Variants in ANKS3 observed in about 807,000 individuals in gnomAD.
ANKS3 encodes the protein ankyrin repeat and sterile alpha motif domain containing 3.
A neutral mutation model predicts 80.7 loss-of-function variants in ANKS3; 62 were observed. The ratio of observed to expected loss-of-function variants is 0.77; its 90% CI spans 0.63 to 0.95. The LOEUF (loss-of-function observed/expected upper bound fraction) is 0.95, where lower values mean the gene tolerates loss of function less well. Among genes scored for constraint, ANKS3 ranks in the 40% least tolerant of loss-of-function variants. ANKS3 has a pLI of 0.00. For missense variants in ANKS3, 1,150 were observed against 883.6 expected, an observed-to-expected ratio of 1.30 and a Z score of -3.82; for synonymous variants, 489 against 355.3, an observed-to-expected ratio of 1.38 and a Z score of -4.23.
At chr16:4,702,960 G>A (rs183583625) in intron 8 of ANKS3, among the ~76,000 whole-genome samples, 5 of 152,238 alleles carry the variant, frequency 3.3e-5, no homozygotes, top group South Asian at 4.1e-4. Flanking sequence ...CTATGATCGT[G>A]CCACTGCACT....
At chr16:4,711,098 A>ATTTTT (rs35899381) in intron 7 of ANKS3, among the ~76,000 whole-genome samples, 7 of 104,476 alleles carry the variant, frequency 6.7e-5, no homozygotes, top group East Asian at 3.1e-4. Flanking sequence ...CTGAAACAGA[A>ATTTTT]TTTTTTTTTT....
chr16:4,728,679 G>A (rs1403028387), intron 3 of ANKS3, among the ~76,000 whole-genome samples: 2 of 151,936 alleles, frequency 1.3e-5, no homozygotes, highest in Non-Finnish European at 2.9e-5. Context: ...ACCTCAGCTA[G>A]TGTCAAAATC....
intron 14 of ANKS3, 182 bp from the exon 15 acceptor site, chr16:4,698,244 G>A: frequency 8.8e-7 from 1 of 1,138,574 alleles, no homozygotes; most frequent in East Asian, 2.7e-5. Flanking sequence ...CAGATTCCCG[G>A]ACCCAACTCC....
chr16:4,701,251 C>T (rs1485343598), intron 10 of ANKS3, 117 bp from the exon 11 acceptor site: 4 of 1,514,946 alleles, frequency 2.6e-6, no homozygotes, highest in South Asian at 2.4e-5. Flanking sequence ...ACCCGCCACA[C>T]AGGGGCTTCC....
Position 4,730,036 on chromosome 16 carries a change from A to T in ANKS3, c.114T>A (p.Asp38Glu). The change falls in exon 3 of 18, where the codon GAT becomes GAA. Residue 38 changes from aspartate to glutamate, a missense_variant. Transcript: ENST00000304283. Reference protein sequence around the residue: ...VSGEELDVPLDLHTAASIGQY... With the variant: ...VSGEELDVPLELHTAASIGQY... The stretch of plus-strand genomic sequence containing the variant: ...GGCCAATGGAAGCAGCTGTGTGAAG[A>T]TCCAGGGGGACATCCAGCTCCTCCC... 1 of 1,588,032 alleles carries T rather than the reference A, an allele frequency of 6.3e-7. No individual in the cohort carries two copies. The highest frequency in any genetic ancestry group is 8.6e-7 in the Non-Finnish European group (1 of 1,164,166).
chr16:4,721,694 A>ACTCT (rs2081109809), intron 6 of ANKS3, among the ~76,000 whole-genome samples: 2 of 151,024 alleles, frequency 1.3e-5, no homozygotes, highest in African/African-American at 2.4e-5. Context: ...GCTGGAGTGC[A>ACTCT]GTGGCAACAT....
chr16:4,711,671 T>A (rs917835922), intron 7 of ANKS3, among the ~76,000 whole-genome samples: 6 of 140,718 alleles, frequency 4.3e-5, no homozygotes, highest in African/African-American at 1.3e-4. Flanking sequence ...TGAGTCAAGA[T>A]CGAGCCACTG....
At chr16:4,704,462 A>G (rs1031285816) in intron 8 of ANKS3, among the ~76,000 whole-genome samples, 2 of 152,218 alleles carry the variant, frequency 1.3e-5, no homozygotes, top group Admixed American at 1.3e-4. Context: ...GACAGACCAC[A>G]GCAATAGAGA....
chr16:4,698,114 G>C (rs771598468), intron 14 of ANKS3, 52 bp from the exon 15 acceptor site: 22 of 1,526,730 alleles, frequency 1.4e-5, no homozygotes, highest in African/African-American at 6.9e-5. Context: ...GGCCGCTGCA[G>C]AGCCCCCACC....
chr16:4,718,830 G>A (rs1403560528), intron 6 of ANKS3, among the ~76,000 whole-genome samples: 1 of 152,212 alleles, frequency 6.6e-6, no homozygotes, highest in African/African-American at 2.4e-5. Flanking sequence ...TCCTGAGTCT[G>A]ATAATTTTGT....
rs200655172 is a variant in ANKS3, at chr16:4,702,138, G to A, written c.973C>T (p.Arg325Trp). The change falls in exon 9 of 18, where the codon CGG becomes TGG. Residue 325 changes from arginine to tryptophan, a missense_variant. Physicochemically the swap from Arg to Trp is moderately radical, Grantham distance 101. Transcript: ENST00000304283. ...CTGCTGCTGCTGCTCTCCACATCCCGCTCATTGATGGGGGAGGTGACATCC... is the reference window on the plus strand; with the variant it reads ...CTGCTGCTGCTGCTCTCCACATCCCACTCATTGATGGGGGAGGTGACATCC... ...CRDVTSPINE[R>W]DVESSSSSSS... The A allele has an allele frequency of 2.6e-5, 41 of 1,596,494 alleles. 1 individual carries two copies. Among genetic ancestry groups the A allele is most frequent in the South Asian group, 1.1e-4 (10 of 89,722 alleles).
In ANKS3 at chr16:4,714,200, T is replaced by C. The variant is rs779494356; in HGVS notation, c.574-14A>G. ...CACCTTGACTCCCTGTGAATGTCCG[T>C]GAAAGGGGGTTAGGGGCCTCTCCTT... On this transcript the variant is annotated splice_polypyrimidine_tract_variant and intron_variant, in intron 6 of 17. Transcript: ENST00000304283. 21 of 1,613,432 alleles carry C rather than the reference T, an allele frequency of 1.3e-5. No individual in the cohort carries two copies. Among genetic ancestry groups the C allele is most frequent in the African/African-American group, 2.7e-5 (2 of 74,870 alleles).
chr16:4,723,647 T>C (rs900698480), intron 6 of ANKS3, among the ~76,000 whole-genome samples: 1 of 152,254 alleles, frequency 6.6e-6, no homozygotes, highest in Non-Finnish European at 1.5e-5. Flanking sequence ...CATTACTTTG[T>C]AGGGCCGAAT....
At chr16:4,704,799 A>C (rs1439918744) in intron 8 of ANKS3, among the ~76,000 whole-genome samples, 1 of 152,212 alleles carries the variant, frequency 6.6e-6, no homozygotes, top group East Asian at 1.9e-4. Context: ...GATGAATGAA[A>C]TCTGACCTTA....
At chr16:4,709,493 T>A (rs936795008) in intron 7 of ANKS3, among the ~76,000 whole-genome samples, 2 of 152,126 alleles carry the variant, frequency 1.3e-5, no homozygotes, top group Non-Finnish European at 2.9e-5. Context: ...GAAATCAGTA[T>A]ACCAAAGAGA....
At chr16:4,706,287 A>G (rs984230548) in intron 7 of ANKS3, among the ~76,000 whole-genome samples, 5 of 151,518 alleles carry the variant, frequency 3.3e-5, no homozygotes, top group East Asian at 1.9e-4. Flanking sequence ...CAGGAGTGCA[A>G]TGGTGCGATC....
intron 6 of ANKS3, 45 bp downstream of exon 6, chr16:4,724,705 C>T (rs1262974661): frequency 6.5e-7 from 1 of 1,547,702 alleles, no homozygotes; most frequent in Admixed American, 1.7e-5. Flanking sequence ...TATGATTCCT[C>T]ATTTGCCGTG....
At chr16:4,714,387 A>G (rs1317121832) in intron 6 of ANKS3, 7 of 715,850 alleles carry the variant, frequency 9.8e-6, no homozygotes, top group Non-Finnish European at 2.2e-6. Context: ...TCTTAGGGAC[A>G]AGGATGAGGA....
chr16:4,697,927 CTCCCCCACCT>C, intron 15 of ANKS3, 40 bp downstream of exon 15: 1 of 1,445,724 alleles, frequency 6.9e-7, no homozygotes, highest in Non-Finnish European at 9.2e-7. Context: ...GGCTTCAGGG[CTCCCCCACCT>C]TCCCCTCTGC....
Sources: allele counts gnomAD v4.1 joint callset (sites outside exome capture counted in the v4.1 genomes callset), GRCh38; gene constraint gnomAD v4.1.1; transcripts MANE v1.5; gene names NCBI Gene and HGNC (gene_info 2026-07-23, HGNC 2026-07-21).